CEP128: variants seen among roughly 807,000 people sequenced by gnomAD.
The protein encoded by CEP128 is centrosomal protein 128.
CEP128 carries 132 observed loss-of-function variants against 156.7 expected under a neutral mutation model. The observed-to-expected ratio is 0.84, with a 90% CI of 0.73 to 0.97. The LOEUF (loss-of-function observed/expected upper bound fraction) is 0.97. CEP128 is among the 50% of genes least tolerant of loss of function. The pLI is 0.00. For missense variants in CEP128, 1,252 were observed against 1,281.9 expected (o/e 0.98, Z 0.36); for synonymous variants, 469 against 448.9 (o/e 1.04, Z -0.57).
At chr14:80,643,695 G>A (rs562347059) in intron 19 of CEP128, among the ~76,000 whole-genome samples, 105 of 135,714 alleles carry the variant, frequency 7.7e-4, no homozygotes, top group African/African-American at 3.0e-3. Flanking sequence ...GGGCATCAGA[G>A]CAAGACTCCA....
downstream of CEP128, among the ~76,000 whole-genome samples, chr14:80,494,474 T>A (rs779594948): frequency 5.3e-5 from 8 of 152,174 alleles, no homozygotes; most frequent in Non-Finnish European, 1.0e-4. Flanking sequence ...ATTTGAGGTA[T>A]TTATCTCTTC....
intron 20 of CEP128, among the ~76,000 whole-genome samples, chr14:80,570,057 T>A (rs1359389544): frequency 6.6e-6 from 1 of 152,168 alleles, no homozygotes; most frequent in African/African-American, 2.4e-5. Flanking sequence ...ACCATAAAAA[T>A]CAAAACTATT....
At chr14:80,487,864 C>T (rs1887204071), downstream of CEP128, among the ~76,000 whole-genome samples, 1 of 151,962 alleles carries the variant, frequency 6.6e-6, no homozygotes, top group Admixed American at 6.6e-5. Context: ...ATCTCTGGGA[C>T]ACATTCAAAG....
At chr14:80,750,197 T>C (rs994978587) in intron 18 of CEP128, among the ~76,000 whole-genome samples, 6 of 152,162 alleles carry the variant, frequency 3.9e-5, no homozygotes, top group African/African-American at 1.4e-4. Flanking sequence ...TGGAAATGTA[T>C]ATGTTACTCT....
chr14:80,612,934 G>C (rs1276005583), intron 19 of CEP128, among the ~76,000 whole-genome samples: 1 of 151,814 alleles, frequency 6.6e-6, no homozygotes, highest in East Asian at 1.9e-4. Context: ...TCCACCTCCC[G>C]GGTTCAAGCA....
At chr14:80,878,099 A>G (rs1888368453) in intron 8 of CEP128, among the ~76,000 whole-genome samples, 1 of 152,110 alleles carries the variant, frequency 6.6e-6, no homozygotes, top group Non-Finnish European at 1.5e-5. Context: ...GTGAGGCAGC[A>G]GCCCCTCCCC....
intron 13 of CEP128, among the ~76,000 whole-genome samples, chr14:80,815,287 A>C (rs1884785775): frequency 6.6e-6 from 1 of 152,228 alleles, no homozygotes; most frequent in East Asian, 1.9e-4. Flanking sequence ...AAAAGAAGAC[A>C]TACATGGCCA....
intron 1 of CEP128, among the ~76,000 whole-genome samples, 181 bp from the exon 2 acceptor site, chr14:80,939,721 C>T (rs1886041358): frequency 6.6e-6 from 1 of 152,170 alleles, no homozygotes; most frequent in Non-Finnish European, 1.5e-5. Flanking sequence ...TCCAAGTGCC[C>T]AGCCCACATA....
chr14:80,625,172 A>G (rs1893657600), intron 19 of CEP128, among the ~76,000 whole-genome samples: 1 of 152,164 alleles, frequency 6.6e-6, no homozygotes, highest in Non-Finnish European at 1.5e-5. Context: ...ACTCTTTATT[A>G]ACGAGGCACT....
intron 19 of CEP128, among the ~76,000 whole-genome samples, chr14:80,655,433 T>C (rs1251255391): frequency 6.6e-6 from 1 of 152,222 alleles, no homozygotes; most frequent in East Asian, 1.9e-4. Context: ...ACTAATAGCC[T>C]AGCCAATCAT....
At chr14:80,729,056 GGGGT>G (rs1555395790) in intron 19 of CEP128, among the ~76,000 whole-genome samples, 1,755 of 88,162 alleles carry the variant, frequency 0.02, 181 homozygotes, top group African/African-American at 0.05. Flanking sequence ...TGGGCTGGTG[GGGGT>G]GTGTGTGTGT....
intron 2 of CEP128, chr14:80,955,330 T>C (rs1886596896): frequency 3.2e-6 from 1 of 310,144 alleles, no homozygotes; most frequent in Non-Finnish European, 5.5e-6. Context: ...TGGAGAGAAC[T>C]AATGGGAGGG....
chr14:80,511,188 A>C (rs1888236935), intron 23 of CEP128, among the ~76,000 whole-genome samples: 1 of 151,044 alleles, frequency 6.6e-6, no homozygotes. Context: ...GATTGGTATT[A>C]GTTCTTTAAG....
chr14:80,536,670 T>C (rs935954194), intron 21 of CEP128, among the ~76,000 whole-genome samples: 2 of 152,220 alleles, frequency 1.3e-5, no homozygotes, highest in Admixed American at 6.5e-5. Flanking sequence ...CACAGCTGTA[T>C]TGGCTTCATA....
chr14:80,761,653 A>C (rs1566899945), intron 16 of CEP128, 40 bp from the exon 17 acceptor site: 1 of 1,411,524 alleles, frequency 7.1e-7, no homozygotes, highest in East Asian at 2.3e-5. Context: ...GATTACTATT[A>C]AGTGGAGGCA....
intron 3 of CEP128, among the ~76,000 whole-genome samples, chr14:80,915,744 C>A (rs1387483156): frequency 6.6e-6 from 1 of 152,192 alleles, no homozygotes; most frequent in Non-Finnish European, 1.5e-5. Context: ...AAACTACAAT[C>A]ATTTCTACTG....
chr14:80,582,297 G>C (rs996853399), intron 19 of CEP128, among the ~76,000 whole-genome samples: 1 of 152,158 alleles, frequency 6.6e-6, no homozygotes, highest in Admixed American at 6.5e-5. Flanking sequence ...GAGTGGTTTG[G>C]TACCCGGGAC....
chr14:80,529,834 C>T (rs555184161), intron 22 of CEP128, among the ~76,000 whole-genome samples: 8 of 152,238 alleles, frequency 5.3e-5, no homozygotes, highest in African/African-American at 1.9e-4. Context: ...TTTCTAGATT[C>T]GTCAGCTAAA....
chr14:80,775,120 A>G (rs1377488487), intron 16 of CEP128, among the ~76,000 whole-genome samples: 1 of 152,214 alleles, frequency 6.6e-6, no homozygotes, highest in African/African-American at 2.4e-5. Flanking sequence ...CTTATTAGAT[A>G]CCAGATACCA....
Sources: allele counts gnomAD v4.1 joint callset (sites outside exome capture counted in the v4.1 genomes callset), GRCh38; gene constraint gnomAD v4.1.1; transcripts MANE v1.5; gene names NCBI Gene and HGNC (gene_info 2026-07-23, HGNC 2026-07-21).